ASTN2: variants seen among roughly 807,000 people sequenced by gnomAD.
ASTN2 encodes astrotactin-2.
A neutral mutation model predicts 139.8 loss-of-function variants in ASTN2; 54 were observed. The ratio of observed to expected loss-of-function variants is 0.39; its 90% CI spans 0.31 to 0.48. The LOEUF (loss-of-function observed/expected upper bound fraction) is 0.48, where lower values mean the gene tolerates loss of function less well. Among genes scored for constraint, ASTN2 ranks in the 20% least tolerant of loss-of-function variants. The pLI is 0.95. For synonymous variants in ASTN2, 756 were observed against 719.5 expected, an observed-to-expected ratio of 1.05 and a Z score of -0.81; for missense variants, 1,565 against 1,725.1, an observed-to-expected ratio of 0.91 and a Z score of 1.64.
At chr9:116,550,673 C>A (rs1379552028) in intron 19 of ASTN2, among the ~76,000 whole-genome samples, 1 of 152,162 alleles carries the variant, frequency 6.6e-6, no homozygotes, top group Non-Finnish European at 1.5e-5. Flanking sequence ...GCTGGCAGAT[C>A]TACAGCAACT....
rs73655456 is a variant in ASTN2, at chr9:116,646,786, G to T, written c.3072+4742C>A. Among the ~76,000 whole-genome samples, 1,431 of 152,272 alleles carry T rather than the reference G, an allele frequency of 9.4e-3. 19 individuals carry two copies. Among genetic ancestry groups the T allele is most frequent in the African/African-American group, 0.032 (1,335 of 41,538 alleles). ...ACTAAGAGGAAAAGAGAGTAGAAGTGAGAAGATAGTGCCCATGCCTGTCTG... is the reference window on the plus strand; with the variant it reads ...ACTAAGAGGAAAAGAGAGTAGAAGTTAGAAGATAGTGCCCATGCCTGTCTG... On this transcript the variant is annotated intron_variant, in intron 17 of 22. Transcript: ENST00000313400.
intron 10 of ASTN2, among the ~76,000 whole-genome samples, chr9:116,938,392 TA>T (rs1380337880): frequency 6.6e-6 from 1 of 152,154 alleles, no homozygotes; most frequent in African/African-American, 2.4e-5. Flanking sequence ...CTTGTTACTC[TA>T]AAAATACACC....
chr9:116,631,569 AAG>A (rs148665082), intron 17 of ASTN2, among the ~76,000 whole-genome samples: 75,583 of 151,578 alleles, frequency 0.5, 19,148 homozygotes, highest in East Asian at 0.71. Flanking sequence ...TAGGAAGGGT[AAG>A]AGAGAGAGAG....
chr9:117,396,793 T>C (rs1161855137), intron 1 of ASTN2, among the ~76,000 whole-genome samples: 1 of 152,104 alleles, frequency 6.6e-6, no homozygotes, highest in East Asian at 1.9e-4. Flanking sequence ...CTCAAGCTCC[T>C]GACCTCAAGT....
At chr9:117,029,196 A>G (rs1838179895) in intron 6 of ASTN2, among the ~76,000 whole-genome samples, 1 of 152,156 alleles carries the variant, frequency 6.6e-6, no homozygotes, top group South Asian at 2.1e-4. Flanking sequence ...TTCATGAGGT[A>G]ATAGAATGAA....
At chr9:117,325,728 T>G (rs1477945833) in intron 1 of ASTN2, among the ~76,000 whole-genome samples, 1 of 152,006 alleles carries the variant, frequency 6.6e-6, no homozygotes, top group African/African-American at 2.4e-5. Flanking sequence ...GACAAATAAC[T>G]GGGCAGGGTT....
chr9:117,086,670 C>A (rs1003518493), intron 5 of ASTN2, among the ~76,000 whole-genome samples: 1 of 152,166 alleles, frequency 6.6e-6, no homozygotes, highest in Non-Finnish European at 1.5e-5. Flanking sequence ...CTGTCCCTCA[C>A]CCAGCGCTTT....
At position 116,820,799 on chromosome 9, in the gene ASTN2, G is replaced by A; in HGVS notation, c.2041-16C>T. ...CCTCAGGGCACTGCTCAGAGAGAGG[G>A]CAACAGGGTAGTTATGGCTTGGGAG... is the stretch of plus-strand genomic sequence containing the variant. On this transcript the variant is annotated splice_polypyrimidine_tract_variant and intron_variant, in intron 11 of 22. Transcript: ENST00000313400. 1 of 1,605,316 alleles carries A rather than the reference G, an allele frequency of 6.2e-7. No homozygotes were observed. The highest frequency in any genetic ancestry group is 8.5e-7 in the Non-Finnish European group (1 of 1,174,108).
intron 1 of ASTN2, among the ~76,000 whole-genome samples, chr9:117,342,651 A>G (rs1021190487): frequency 5.3e-5 from 8 of 152,198 alleles, no homozygotes; most frequent in African/African-American, 1.7e-4. Flanking sequence ...TTCTTCACCT[A>G]CAAAATGAGG....
intron 16 of ASTN2, among the ~76,000 whole-genome samples, chr9:116,702,502 C>T (rs1432123326): frequency 1.3e-5 from 2 of 152,126 alleles, no homozygotes; most frequent in African/African-American, 2.4e-5. Context: ...TTGCAATTAT[C>T]TGTCCATATA....
intron 11 of ASTN2, among the ~76,000 whole-genome samples, chr9:116,822,606 G>A (rs1315075648): frequency 6.6e-6 from 1 of 152,154 alleles, no homozygotes; most frequent in African/African-American, 2.4e-5. Context: ...AGACACCTGG[G>A]CAGGGTATGG....
intron 2 of ASTN2, among the ~76,000 whole-genome samples, chr9:117,251,967 T>C (rs986576819): frequency 2.6e-5 from 4 of 152,286 alleles, no homozygotes; most frequent in African/African-American, 9.6e-5. Context: ...GCAAAACTGT[T>C]CTCATTTCTA....
intron 10 of ASTN2, among the ~76,000 whole-genome samples, chr9:116,939,656 C>A (rs1371242471): frequency 6.6e-6 from 1 of 151,960 alleles, no homozygotes; most frequent in Non-Finnish European, 1.5e-5. Context: ...ACATGCAAAT[C>A]TTGGGTGGCA....
intron 16 of ASTN2, among the ~76,000 whole-genome samples, chr9:116,687,910 G>A (rs1245123919): frequency 1.3e-5 from 2 of 151,882 alleles, no homozygotes; most frequent in Non-Finnish European, 2.9e-5. Flanking sequence ...CTGAGGGTGA[G>A]ATTGAGGGGG....
chr9:116,830,391 C>A (rs1017373195), intron 11 of ASTN2, among the ~76,000 whole-genome samples: 4 of 140,178 alleles, frequency 2.9e-5, no homozygotes, highest in African/African-American at 5.3e-5. Context: ...ATGAGCACAA[C>A]CTTTAAGGAA....
chr9:116,491,228 T>G (rs975446306), intron 19 of ASTN2, among the ~76,000 whole-genome samples: 1 of 152,218 alleles, frequency 6.6e-6, no homozygotes, highest in Admixed American at 6.5e-5. Context: ...GGAAGGCAAC[T>G]GACATCTAGT....
chr9:117,363,983 T>G (rs1167361920), intron 1 of ASTN2, among the ~76,000 whole-genome samples: 1 of 152,204 alleles, frequency 6.6e-6, no homozygotes, highest in Non-Finnish European at 1.5e-5. Context: ...AAACGTGGAT[T>G]AAATCCATTA....
intron 19 of ASTN2, among the ~76,000 whole-genome samples, chr9:116,514,349 C>G (rs963848710): frequency 6.6e-6 from 1 of 150,944 alleles, no homozygotes; most frequent in African/African-American, 2.4e-5. Context: ...GCGGCCTGAT[C>G]GTTCCTCTGG....
At chr9:117,006,165 A>T (rs1837348885) in intron 7 of ASTN2, among the ~76,000 whole-genome samples, 1 of 151,966 alleles carries the variant, frequency 6.6e-6, no homozygotes, top group Non-Finnish European at 1.5e-5. Flanking sequence ...GCCCCACTTT[A>T]TTTCCCATTT....
Sources: allele counts gnomAD v4.1 joint callset (sites outside exome capture counted in the v4.1 genomes callset), GRCh38; gene constraint gnomAD v4.1.1; transcripts MANE v1.5; gene names NCBI Gene and HGNC (gene_info 2026-07-23, HGNC 2026-07-21).